Variants in ALCAM observed in about 807,000 individuals in gnomAD.
The protein encoded by ALCAM is CD166 antigen.
ALCAM carries 30 observed loss-of-function variants against 70.9 expected under a neutral mutation model. The ratio of observed to expected loss-of-function variants is 0.42; its 90% CI spans 0.32 to 0.57. The LOEUF is 0.57. Ranked by LOEUF, ALCAM falls within the 20% of genes least tolerant of loss-of-function variation. ALCAM has a pLI of 0.11. For missense variants in ALCAM, 591 were observed against 695.1 expected (o/e 0.85, Z 1.68); for synonymous variants, 249 against 242.5 (o/e 1.03, Z -0.25).
intron 1 of ALCAM, among the ~76,000 whole-genome samples, chr3:105,513,860 A>G (rs1939307953): frequency 6.6e-6 from 1 of 151,944 alleles, no homozygotes; most frequent in Non-Finnish European, 1.5e-5. Flanking sequence ...ATTTGGGAAA[A>G]CTGCCAGTCT....
At chr3:105,400,108 T>A (rs900225595) in intron 1 of ALCAM, among the ~76,000 whole-genome samples, 1 of 152,166 alleles carries the variant, frequency 6.6e-6, no homozygotes, top group Non-Finnish European at 1.5e-5. Context: ...GTTAACTACG[T>A]TGTCCTGTTA....
intron 2 of ALCAM, among the ~76,000 whole-genome samples, chr3:105,521,597 G>GAATT (rs1404315106): frequency 2.0e-5 from 3 of 152,054 alleles, no homozygotes; most frequent in African/African-American, 7.2e-5. Flanking sequence ...CTGGGCAGAG[G>GAATT]AATTAATCCC....
chr3:105,398,038 T>G (rs2107366015), intron 1 of ALCAM, among the ~76,000 whole-genome samples: 1 of 152,246 alleles, frequency 6.6e-6, no homozygotes, highest in South Asian at 2.1e-4. Flanking sequence ...AACTTGCACG[T>G]GCCTCTCAAT....
rs534917453 is a variant in ALCAM at position 105,441,487 on chromosome 3, T to A, written c.73+74006T>A. Among the ~76,000 whole-genome samples, 10 of 152,294 alleles carry A rather than the reference T, an allele frequency of 6.6e-5. No individual in the cohort carries two copies. The East Asian group carries it at 1.9e-3, about 29-fold the overall frequency. ...CTTGTCAACTTTCCTTTGCTTTTAATCAATTGAAAGAAAAAGTCTTCATGG... is the reference window on the plus strand; with the variant it reads ...CTTGTCAACTTTCCTTTGCTTTTAAACAATTGAAAGAAAAAGTCTTCATGG... On this transcript the variant is annotated intron_variant, in intron 1 of 15. Transcript: ENST00000306107.
chr3:105,556,003 A>G (rs565186394), intron 14 of ALCAM, among the ~76,000 whole-genome samples: 12 of 151,956 alleles, frequency 7.9e-5, no homozygotes, highest in Non-Finnish European at 1.5e-4. Flanking sequence ...AGTCCACCCT[A>G]TATCTAGTTG....
intron 4 of ALCAM, 119 bp from the exon 5 acceptor site, chr3:105,533,484 G>T: frequency 1.4e-6 from 1 of 701,588 alleles, no homozygotes; most frequent in Non-Finnish European, 2.4e-6. Context: ...GGTCAGTGTT[G>T]GAAAATAAAC....
At chr3:105,512,833 C>T (rs1939273887) in intron 1 of ALCAM, among the ~76,000 whole-genome samples, 1 of 151,806 alleles carries the variant, frequency 6.6e-6, no homozygotes, top group South Asian at 2.1e-4. Flanking sequence ...AAGGACTCAG[C>T]CTCAAATCCT....
intron 1 of ALCAM, among the ~76,000 whole-genome samples, chr3:105,481,863 T>A (rs987512041): frequency 6.6e-6 from 1 of 152,190 alleles, no homozygotes; most frequent in Non-Finnish European, 1.5e-5. Flanking sequence ...TTTGAGCTAT[T>A]TGGCCAATTC....
chr3:105,441,627 G>A (rs183575019), intron 1 of ALCAM, among the ~76,000 whole-genome samples: 222 of 152,284 alleles, frequency 1.5e-3, no homozygotes, highest in Non-Finnish European at 2.6e-3. Context: ...TATAAATCCT[G>A]TAATCAATAA....
chr3:105,500,545 T>C (rs1938892605), intron 1 of ALCAM, among the ~76,000 whole-genome samples: 1 of 152,126 alleles, frequency 6.6e-6, no homozygotes, highest in Admixed American at 6.5e-5. Context: ...AGTAATGCAC[T>C]TGAAATATAT....
At chr3:105,524,721 A>C in intron 3 of ALCAM, 4 of 1,314,056 alleles carry the variant, frequency 3.0e-6, no homozygotes, top group Non-Finnish European at 2.9e-6. Context: ...TGAGGAACTA[A>C]AATAATATTC....
intron 1 of ALCAM, among the ~76,000 whole-genome samples, chr3:105,389,006 A>G (rs1935727773): frequency 6.6e-6 from 1 of 151,608 alleles, no homozygotes; most frequent in Non-Finnish European, 1.5e-5. Flanking sequence ...GGAGAATAAT[A>G]GTATTTATAT....
chr3:105,369,132 C>T (rs934209531), intron 1 of ALCAM, among the ~76,000 whole-genome samples: 20 of 152,162 alleles, frequency 1.3e-4, no homozygotes, highest in African/African-American at 4.8e-4. Context: ...GTCCACACGC[C>T]CACAGTTGGT....
chr3:105,568,193 G>A (rs1940787793), intron 14 of ALCAM, among the ~76,000 whole-genome samples: 2 of 151,552 alleles, frequency 1.3e-5, no homozygotes, highest in African/African-American at 4.8e-5. Context: ...CTCCCAAGTA[G>A]CTGGGATTAC....
chr3:105,551,992 CT>C lies in ALCAM; in HGVS notation c.1508-149del, dbSNP rs375266305. The stretch of plus-strand genomic sequence containing the variant: ...TAATTTCTTTGTAGGCAAGGTCATA[CT>C]TTATTAAGTGTGATTTTTTTTTTTT... On this transcript the variant is annotated intron_variant, in intron 12 of 15. Coordinates refer to ENST00000306107, the MANE Select transcript of ALCAM (RefSeq NM_001627.4). 2,782 of 513,792 alleles carry C rather than the reference CT, an allele frequency of 5.4e-3. 24 individuals carry two copies. The highest frequency in any genetic ancestry group is 0.022 in the Middle Eastern group (41 of 1,856). 31.8% of individuals were successfully genotyped at this position (513,792 alleles called of 1,614,324 possible).
intron 1 of ALCAM, among the ~76,000 whole-genome samples, chr3:105,430,506 T>C (rs1295427951): frequency 6.6e-6 from 1 of 152,114 alleles, no homozygotes; most frequent in African/African-American, 2.4e-5. Context: ...ATAACAGTCA[T>C]TGGGTTTTGG....
intron 15 of ALCAM, among the ~76,000 whole-genome samples, chr3:105,574,250 A>G (rs1940917051): frequency 6.6e-6 from 1 of 152,172 alleles, no homozygotes; most frequent in African/African-American, 2.4e-5. Context: ...AACTTGTAAT[A>G]TTAGTATTAA....
intron 1 of ALCAM, among the ~76,000 whole-genome samples, chr3:105,424,061 A>T (rs1479716389): frequency 6.6e-6 from 1 of 151,550 alleles, no homozygotes; most frequent in Admixed American, 6.6e-5. Flanking sequence ...TAGTGGTTAA[A>T]ATTGTCAGGT....
intron 1 of ALCAM, among the ~76,000 whole-genome samples, chr3:105,450,875 G>T (rs1273864947): frequency 6.6e-6 from 1 of 151,978 alleles, no homozygotes; most frequent in Non-Finnish European, 1.5e-5. Context: ...CTGAGGTCAA[G>T]GTATATTTGG....
Sources: allele counts gnomAD v4.1 joint callset (sites outside exome capture counted in the v4.1 genomes callset), GRCh38; gene constraint gnomAD v4.1.1; transcripts MANE v1.5; gene names NCBI Gene and HGNC (gene_info 2026-07-23, HGNC 2026-07-21).